Variants in DCLK2 observed in about 807,000 individuals in gnomAD.
DCLK2 encodes doublecortin like kinase 2.
In DCLK2, 31 loss-of-function variants were observed where a neutral mutation model predicts 78.4. That is an observed-to-expected ratio of 0.40 (90% CI 0.30 to 0.53). The LOEUF (loss-of-function observed/expected upper bound fraction) is 0.53, where lower values mean the gene tolerates loss of function less well. Among genes scored for constraint, DCLK2 ranks in the 20% least tolerant of loss-of-function variants. The pLI is 0.61. For missense variants in DCLK2, 872 were observed against 973.7 expected (o/e 0.90, Z 1.39); for synonymous variants, 407 against 374.9 (o/e 1.09, Z -0.99).
intron 10 of DCLK2, among the ~76,000 whole-genome samples, chr4:150,235,412 A>G (rs1465056168): frequency 6.6e-6 from 1 of 152,214 alleles, no homozygotes; most frequent in African/African-American, 2.4e-5. Flanking sequence ...TGTCTCCAAC[A>G]TCATGAGTCT....
chr4:150,103,515 C>T (rs1017196412), intron 2 of DCLK2, among the ~76,000 whole-genome samples: 2 of 152,180 alleles, frequency 1.3e-5, no homozygotes, highest in African/African-American at 4.8e-5. Context: ...AGCTTGGCTT[C>T]TGAAGTGTAT....
chr4:150,243,939 TTTTAA>T (rs1743109790), intron 12 of DCLK2, among the ~76,000 whole-genome samples: 1 of 151,828 alleles, frequency 6.6e-6, no homozygotes, highest in Admixed American at 6.6e-5. Context: ...TTTTTAATTT[TTTTAA>T]TTTATTTTTT....
At chr4:150,234,112 A>C (rs1488936114) in intron 10 of DCLK2, among the ~76,000 whole-genome samples, 1 of 152,110 alleles carries the variant, frequency 6.6e-6, no homozygotes, top group East Asian at 1.9e-4. Flanking sequence ...CAGCAGCCTT[A>C]CACCTCCATT....
intron 1 of DCLK2, among the ~76,000 whole-genome samples, chr4:150,097,743 A>G (rs898687401): frequency 3.3e-5 from 5 of 152,228 alleles, no homozygotes; most frequent in Non-Finnish European, 7.3e-5. Flanking sequence ...GTTAAGTTTT[A>G]TAACCACCTT....
chr4:150,232,772 AG>A lies in DCLK2; in HGVS notation c.1512del (p.Arg504SerfsTer30). The A allele has an allele frequency of 6.2e-7, 1 of 1,614,162 alleles. No homozygotes were observed. The highest frequency in any genetic ancestry group is 8.5e-7 in the Non-Finnish European group (1 of 1,180,010). On this transcript the variant is annotated frameshift_variant, in exon 10 of 16. Transcript: ENST00000296550. LOFTEE classifies it high-confidence loss of function. ...AMVYNLANAL[R>X]YLHGLSIVHR... ...GGTGTACAACTTAGCCAATGCCCTC[AG>A]GTATCTCCATGGCCTCAGCATCGTG...
At chr4:150,158,141 A>G (rs1735451570) in intron 2 of DCLK2, among the ~76,000 whole-genome samples, 1 of 152,198 alleles carries the variant, frequency 6.6e-6, no homozygotes, top group Non-Finnish European at 1.5e-5. Flanking sequence ...TAAAGGTGTC[A>G]GCAGGTTTGA....
intron 1 of DCLK2, among the ~76,000 whole-genome samples, chr4:150,083,398 C>T (rs28714207): frequency 0.28 from 42,861 of 152,030 alleles, 7,372 homozygotes; most frequent in Non-Finnish European, 0.41. Flanking sequence ...CTTTCATTCC[C>T]TCATGAAGTT....
chr4:150,250,645 T>A (rs1743712462), intron 15 of DCLK2, among the ~76,000 whole-genome samples: 1 of 151,390 alleles, frequency 6.6e-6, no homozygotes, highest in African/African-American at 2.4e-5. Context: ...CCCCACTGAG[T>A]CCTGACAGCT....
chr4:150,089,277 G>T (rs1729879690), intron 1 of DCLK2, among the ~76,000 whole-genome samples: 1 of 152,092 alleles, frequency 6.6e-6, no homozygotes, highest in African/African-American at 2.4e-5. Flanking sequence ...AAAACTGAGG[G>T]CTAAGCTTTC....
chr4:150,142,406 C>T (rs1266229429), intron 2 of DCLK2, among the ~76,000 whole-genome samples: 1 of 152,168 alleles, frequency 6.6e-6, no homozygotes, highest in Non-Finnish European at 1.5e-5. Flanking sequence ...CCATGGCACC[C>T]TTCCAATTGA....
intron 2 of DCLK2, among the ~76,000 whole-genome samples, chr4:150,150,435 T>TAG (rs1327647727): frequency 6.6e-6 from 1 of 152,146 alleles, no homozygotes; most frequent in Non-Finnish European, 1.5e-5. Flanking sequence ...TTCAGTGAGA[T>TAG]ATATTAAAGG....
rs1335140854 is a variant in DCLK2 at position 150,130,242 on chromosome 4, C to T, written c.756+27430C>T. Among the ~76,000 whole-genome samples, 3 of 152,040 alleles carry T rather than the reference C, an allele frequency of 2.0e-5. No homozygotes were observed. In the East Asian group the frequency reaches 5.8e-4, roughly 29 times the overall value. Reference sequence around the variant, plus strand: ...AGTGAGGTCCCTGTTCTTCAGGCATCAAACTCTATTTGATGAGGAAATCTA... The same window carrying T: ...AGTGAGGTCCCTGTTCTTCAGGCATTAAACTCTATTTGATGAGGAAATCTA... On this transcript the variant is annotated intron_variant, in intron 2 of 15. Transcript: ENST00000296550.
chr4:150,170,561 C>T (rs925443991), intron 2 of DCLK2, among the ~76,000 whole-genome samples: 1 of 152,060 alleles, frequency 6.6e-6, no homozygotes, highest in African/African-American at 2.4e-5. Flanking sequence ...ATTTGCAGTG[C>T]GAGTAGCGAG....
At chr4:150,201,685 A>G (rs779881517) in intron 4 of DCLK2, among the ~76,000 whole-genome samples, 5 of 152,168 alleles carry the variant, frequency 3.3e-5, no homozygotes, top group African/African-American at 4.8e-5. Context: ...CTTTCCTACA[A>G]TCATTCCAAG....
intron 2 of DCLK2, among the ~76,000 whole-genome samples, chr4:150,192,706 G>A (rs568138934): frequency 1.1e-4 from 16 of 152,218 alleles, no homozygotes; most frequent in African/African-American, 3.9e-4. Context: ...CCAAGGCACG[G>A]TAGCAGAGGT....
chr4:150,220,599 T>C (rs1406151728), intron 5 of DCLK2, 104 bp from the exon 6 acceptor site: 13 of 899,276 alleles, frequency 1.4e-5, no homozygotes, highest in Non-Finnish European at 1.9e-5. Flanking sequence ...CCTCGGTTTC[T>C]GTGACACATT....
Position 150,084,238 on chromosome 4 carries a change from G to T in DCLK2, c.421+4790G>T, listed in dbSNP as rs1005692037. 2.0e-5 allele frequency among the ~76,000 whole-genome samples: 3 copies of T among 152,180 alleles called. No homozygotes were observed. The East Asian group carries it at 5.8e-4, about 29-fold the overall frequency. ...CCTGAGGTCAGGGATCTTAAATACA[G>T]TAAATTCATTGATTAAATAACTCAG... On this transcript the variant is annotated intron_variant, in intron 1 of 15. Coordinates refer to ENST00000296550, the MANE Select transcript of DCLK2 (RefSeq NM_001040260.4).
Position 150,079,104 on chromosome 4 carries a change from G to A in DCLK2, c.77G>A (p.Gly26Glu). The A allele has an allele frequency of 6.4e-7, 1 of 1,566,816 alleles. No homozygotes were observed. The highest frequency in any genetic ancestry group is 8.6e-7 in the Non-Finnish European group (1 of 1,159,838). The stretch of plus-strand genomic sequence containing the variant: ...AGGCCGCGGCCGGGGTCGCGGAGAG[G>A]GGCCCCCAGCTCCTCCGGGGGCAGC... Reference protein sequence around the residue: ...DKRPRPGSRRGAPSSSGGSSS... With the variant: ...DKRPRPGSRREAPSSSGGSSS... Residue 26 changes from glycine to glutamate, a missense_variant, in exon 1 of 16, where the codon GGG (glycine) becomes GAG (glutamate). Around this residue, in one of 3 missense-constraint regions of DCLK2, gnomAD observed 567 missense variants for 593.4 expected, o/e 0.96. Transcript: ENST00000296550.
chr4:150,118,302 T>G (rs1272472851), intron 2 of DCLK2, among the ~76,000 whole-genome samples: 1 of 130,532 alleles, frequency 7.7e-6, no homozygotes, highest in East Asian at 2.0e-4. Flanking sequence ...TTTCACTTGG[T>G]GTTTACCAGA....
Sources: allele counts gnomAD v4.1 joint callset (sites outside exome capture counted in the v4.1 genomes callset), GRCh38; gene constraint gnomAD v4.1.1; regional missense constraint gnomAD v4.1.1; transcripts MANE v1.5; gene names NCBI Gene and HGNC (gene_info 2026-07-23, HGNC 2026-07-21).